Variants in LXN observed in about 807,000 individuals in gnomAD.
LXN encodes the protein MUM.
Under a neutral mutation model 29.8 loss-of-function variants are expected in LXN, and 28 were observed. That is an observed-to-expected ratio of 0.94 (90% CI 0.70 to 1.29). The LOEUF (loss-of-function observed/expected upper bound fraction) is 1.29. LXN is among the 50% of genes most tolerant of loss of function. LXN has a pLI of 0.00. For synonymous variants in LXN, 77 were observed against 89.6 expected, an observed-to-expected ratio of 0.86 and a Z score of 0.80; for missense variants, 227 against 261.7, an observed-to-expected ratio of 0.87 and a Z score of 0.92.
At chr3:158,667,095 G>A (rs760491004) in intron 4 of LXN, 21 bp from the exon 5 acceptor site, 11 of 1,561,236 alleles carry the variant, frequency 7.0e-6, no homozygotes, top group East Asian at 2.3e-5. Context: ...AAATAAAAAC[G>A]TGTTGTTTAA....
chr3:158,671,046 CAAG>C (rs764840090), intron 1 of LXN, 27 bp from the exon 2 acceptor site: 8 of 1,492,452 alleles, frequency 5.4e-6, no homozygotes, highest in South Asian at 1.4e-5. Context: ...GTAGTGGAGA[CAAG>C]AAAATATTAT....
intron 5 of LXN, 120 bp from the exon 6 acceptor site, chr3:158,666,864 T>C: frequency 7.0e-7 from 1 of 1,427,600 alleles, no homozygotes; most frequent in South Asian, 1.3e-5. Context: ...TTTTGTTAAA[T>C]TGCTGCAATT....
chr3:158,671,065 C>T, intron 1 of LXN, 46 bp from the exon 2 acceptor site: 1 of 1,440,822 alleles, frequency 6.9e-7, no homozygotes, highest in South Asian at 1.6e-5. Flanking sequence ...ATTATAACAA[C>T]ATTATACTTG....
chr3:158,668,855 G>A, intron 4 of LXN, 141 bp downstream of exon 4: 1 of 673,164 alleles, frequency 1.5e-6, no homozygotes, highest in Non-Finnish European at 2.4e-6. Flanking sequence ...AATCTTGATT[G>A]TACCTGACCT....
At chr3:158,670,860 G>A in intron 2 of LXN, 97 bp downstream of exon 2, 1 of 1,306,554 alleles carries the variant, frequency 7.7e-7, no homozygotes, top group African/African-American at 1.6e-5. Flanking sequence ...CCTGAGCCCG[G>A]GAAGTTGAGG....
Position 158,666,511 on chromosome 3 carries a change from T to TA in LXN, c.*134dup. 1 of 1,138,422 alleles carries TA rather than the reference T, an allele frequency of 8.8e-7. No individual in the cohort carries two copies. The highest frequency in any genetic ancestry group is 1.8e-5 in the Admixed American group (1 of 54,584). 70.5% of individuals were successfully genotyped at this position (1,138,422 alleles called of 1,614,324 possible). A position where few individuals can be genotyped will look rare whatever the true frequency, so the allele number is the denominator to read the frequency against. ...GTGATACTTTGTATTATGGACTCTA[T>TA]AAAGTTCTATACTGTAATCAAGACA... On this transcript the variant is annotated 3_prime_UTR_variant, in exon 6 of 6. Coordinates refer to ENST00000264265, the MANE Select transcript of LXN (RefSeq NM_020169.4).
intron 2 of LXN, among the ~76,000 whole-genome samples, chr3:158,669,937 C>G (rs1050454821): frequency 3.3e-5 from 5 of 152,196 alleles, no homozygotes; most frequent in Non-Finnish European, 5.9e-5. Context: ...TATACCAACT[C>G]AAGACTGGTT....
chr3:158,670,517 T>C (rs1241012421), intron 2 of LXN, among the ~76,000 whole-genome samples: 2 of 152,178 alleles, frequency 1.3e-5, no homozygotes, highest in Non-Finnish European at 2.9e-5. Context: ...TTGGTAGAAA[T>C]AATTCATATA....
At chr3:158,670,426 A>AT (rs1387038761) in intron 2 of LXN, among the ~76,000 whole-genome samples, 1 of 151,602 alleles carries the variant, frequency 6.6e-6, no homozygotes, top group African/African-American at 2.4e-5. Flanking sequence ...TATATTAGGC[A>AT]TAAGTTCAGA....
chr3:158,671,784 C>T (rs896837199), intron 1 of LXN, among the ~76,000 whole-genome samples: 1 of 152,194 alleles, frequency 6.6e-6, no homozygotes, highest in African/African-American at 2.4e-5. Context: ...AGAGGGTGCA[C>T]ATCATTTAAG....
intron 1 of LXN, among the ~76,000 whole-genome samples, chr3:158,671,514 A>G (rs1275635025): frequency 6.6e-6 from 1 of 152,240 alleles, no homozygotes; most frequent in Non-Finnish European, 1.5e-5. Context: ...TGAAACTGCA[A>G]AATGATTAAC....
At chr3:158,667,868 T>G (rs1371042975) in intron 4 of LXN, among the ~76,000 whole-genome samples, 1 of 152,162 alleles carries the variant, frequency 6.6e-6, no homozygotes, top group African/African-American at 2.4e-5. Context: ...ATTGTGTAAT[T>G]AAAGCTTTTT....
intron 1 of LXN, among the ~76,000 whole-genome samples, chr3:158,671,874 CA>C (rs1228597979): frequency 6.6e-6 from 1 of 152,190 alleles, no homozygotes; most frequent in Non-Finnish European, 1.5e-5. Context: ...CTTTGATTGT[CA>C]GTTTCTCTTG....
intron 4 of LXN, among the ~76,000 whole-genome samples, chr3:158,668,002 T>A (rs181762647): frequency 7.9e-5 from 12 of 152,260 alleles, no homozygotes; most frequent in African/African-American, 2.6e-4. Flanking sequence ...AAAAGCTAAA[T>A]GTTGGATTAT....
chr3:158,669,378 G>C, intron 3 of LXN, 55 bp downstream of exon 3: 7 of 1,504,982 alleles, frequency 4.7e-6, no homozygotes, highest in Admixed American at 2.0e-5. Flanking sequence ...ACAGATAATT[G>C]AGATTGATTT....
intron 1 of LXN, among the ~76,000 whole-genome samples, chr3:158,671,615 C>T (rs1007183658): frequency 6.6e-6 from 1 of 152,086 alleles, no homozygotes. Context: ...GGTACAGTTT[C>T]AAAATAAGAT....
chr3:158,670,434 A>G (rs1724166954), intron 2 of LXN, among the ~76,000 whole-genome samples: 1 of 151,340 alleles, frequency 6.6e-6, no homozygotes. Flanking sequence ...GCATAAGTTC[A>G]GACTGCCCTA....
chr3:158,669,190 A>T, intron 3 of LXN, 58 bp from the exon 4 acceptor site: 1 of 1,480,858 alleles, frequency 6.8e-7, no homozygotes, highest in Non-Finnish European at 9.2e-7. Context: ...TTTTAAAACA[A>T]AATCTAAATT....
At position 158,666,635 on chromosome 3, in the gene LXN, A is replaced by T. The variant is rs767380878; in HGVS notation, c.*11T>A. 6.2e-7 allele frequency: 1 copy of T among 1,606,822 alleles called. No homozygotes were observed. The highest frequency in any genetic ancestry group is 8.5e-7 in the Non-Finnish European group (1 of 1,173,538). ...TAGACATGTTTACACTTCCAGTGTT[A>T]GGGTTTTTGTTTATTCCAGTTGTAC... On this transcript the variant is annotated 3_prime_UTR_variant, in exon 6 of 6. Coordinates refer to ENST00000264265, the MANE Select transcript of LXN (RefSeq NM_020169.4).
Sources: gnomAD v4.1 joint callset for allele counts (sites outside exome capture counted in the v4.1 genomes callset) on GRCh38, gnomAD v4.1.1 for gene constraint, MANE v1.5 for transcripts, NCBI Gene and HGNC (gene_info 2026-07-23, HGNC 2026-07-21) for gene names.